ZFP1: variants seen among roughly 807,000 people sequenced by gnomAD.
ZFP1 encodes the protein ZFP1 zinc finger protein.
In ZFP1, 32 loss-of-function variants were observed where a neutral mutation model predicts 38.5. The ratio of observed to expected loss-of-function variants is 0.83; its 90% CI spans 0.63 to 1.12. The LOEUF is 1.12. Ranked by LOEUF, ZFP1 falls within the 50% of genes most tolerant of loss-of-function variation. The probability of loss-of-function intolerance (pLI) is 0.00; values close to 1 mark genes in which losing one functional copy is unlikely to be tolerated. For missense variants in ZFP1, 616 were observed against 480.8 expected (o/e 1.28, Z -2.63); for synonymous variants, 245 against 168.8 (o/e 1.45, Z -3.50).
At chr16:75,130,031 C>G in the ZFP1 span, among the ~76,000 whole-genome samples, 1 of 152,138 alleles carries the variant, frequency 6.6e-6, no homozygotes, top group Admixed American at 6.5e-5. Flanking sequence ...AGAGTCCACT[C>G]TGTCGCCCAA....
In ZFP1 at chr16:75,169,148, C is replaced by G. The variant is rs1192570926; in HGVS notation, c.143-105C>G. ...TAATATTGGGAGACTGGGTCCCAAACTAAAGAGTCAGCCCTGTGATAGAAC... is the reference window on the plus strand; with the variant it reads ...TAATATTGGGAGACTGGGTCCCAAAGTAAAGAGTCAGCCCTGTGATAGAAC... On this transcript the variant is annotated intron_variant, in intron 3 of 3. Coordinates refer to ENST00000570010, the MANE Select transcript of ZFP1 (RefSeq NM_153688.4). 1.8e-5 allele frequency: 25 copies of G among 1,374,944 alleles called. No individual in the cohort carries two copies. The East Asian group carries it at 5.0e-4, about 28-fold the overall frequency. The allele number at this position is 1,374,944 out of a possible 1,614,324, so 85.2% of individuals were successfully genotyped here.
Position 75,170,422 on chromosome 16 carries a change from G to C in ZFP1, c.*88G>C. ...TCATGACAGTATTGAGGGAACATGGGAATTCATACTGAGATGCAATCTCTC... is the reference window on the plus strand; with the variant it reads ...TCATGACAGTATTGAGGGAACATGGCAATTCATACTGAGATGCAATCTCTC... On this transcript the variant is annotated 3_prime_UTR_variant, in exon 4 of 4. Coordinates refer to ENST00000570010, the MANE Select transcript of ZFP1 (RefSeq NM_153688.4). 2.1e-6 allele frequency: 3 copies of C among 1,443,996 alleles called. No individual in the cohort carries two copies. The highest frequency in any genetic ancestry group is 1.8e-6 in the Non-Finnish European group (2 of 1,095,322). The allele number at this position is 1,443,996 out of a possible 1,614,324, so 89.4% of individuals were successfully genotyped here. A position where few individuals can be genotyped will look rare whatever the true frequency, so the allele number is the denominator to read the frequency against.
the ZFP1 span, among the ~76,000 whole-genome samples, chr16:75,132,813 C>T: frequency 1.3e-5 from 2 of 151,338 alleles, no homozygotes; most frequent in African/African-American, 2.4e-5. Context: ...TTCACCACCA[C>T]ACATGGCTAG....
the ZFP1 span, among the ~76,000 whole-genome samples, chr16:75,120,453 G>A: frequency 2.0e-5 from 3 of 151,506 alleles, no homozygotes; most frequent in Non-Finnish European, 2.9e-5. Context: ...AAACAGGCAA[G>A]TTCGTCTCGT....
At chr16:75,166,187 C>T (rs1388181280) in intron 2 of ZFP1, among the ~76,000 whole-genome samples, 1 of 152,138 alleles carries the variant, frequency 6.6e-6, no homozygotes, top group Admixed American at 6.6e-5. Context: ...ACACTGGTAA[C>T]AATGAATATC....
At chr16:75,161,288 C>T (rs774566877) in intron 2 of ZFP1, among the ~76,000 whole-genome samples, 1 of 151,894 alleles carries the variant, frequency 6.6e-6, no homozygotes, top group Non-Finnish European at 1.5e-5. Flanking sequence ...AGGCTGGTCT[C>T]GAACTCCTGG....
chr16:75,122,254 G>A, the ZFP1 span, among the ~76,000 whole-genome samples: 9 of 152,176 alleles, frequency 5.9e-5, no homozygotes, highest in East Asian at 1.9e-4. Context: ...GGGTTGGACC[G>A]CACAGTCTAA....
intron 1 of ZFP1, chr16:75,149,241 A>G: frequency 6.6e-6 from 1 of 152,206 alleles, no homozygotes. Flanking sequence ...GATTTCCCTA[A>G]GGTCTCACAA....
At chr16:75,133,671 G>A in the ZFP1 span, among the ~76,000 whole-genome samples, 3 of 152,166 alleles carry the variant, frequency 2.0e-5, no homozygotes, top group African/African-American at 4.8e-5. Flanking sequence ...CATATTCAGA[G>A]GCTTGATTGG....
intron 2 of ZFP1, among the ~76,000 whole-genome samples, chr16:75,160,375 C>T (rs2037703106): frequency 2.0e-5 from 3 of 151,934 alleles, no homozygotes. Context: ...TGTACTAAAC[C>T]CCATCTGTAC....
intron 1 of ZFP1, among the ~76,000 whole-genome samples, chr16:75,152,223 A>C (rs1290445051): frequency 6.6e-6 from 1 of 152,084 alleles, no homozygotes; most frequent in East Asian, 1.9e-4. Context: ...TGTTTGGATA[A>C]ATTGAGTTTC....
the ZFP1 span, among the ~76,000 whole-genome samples, chr16:75,140,913 C>T: frequency 6.6e-6 from 1 of 151,754 alleles, no homozygotes; most frequent in African/African-American, 2.4e-5. Context: ...GAGCCGAGAT[C>T]GCACCACTGC....
upstream of ZFP1, among the ~76,000 whole-genome samples, chr16:75,144,793 C>T (rs1195665007): frequency 6.6e-6 from 1 of 152,172 alleles, no homozygotes; most frequent in African/African-American, 2.4e-5. Context: ...TGGAATCATA[C>T]AGTATTTGTC....
intron 2 of ZFP1, among the ~76,000 whole-genome samples, chr16:75,166,189 A>C (rs6564214): frequency 0.87 from 132,109 of 152,202 alleles, 57,625 homozygotes; most frequent in Middle Eastern, 0.91. Flanking sequence ...ACTGGTAACA[A>C]TGAATATCTA....
At chr16:75,133,681 G>A in the ZFP1 span, among the ~76,000 whole-genome samples, 140,004 of 152,308 alleles carry the variant, frequency 0.92, 64,486 homozygotes, top group African/African-American at 0.94. Context: ...GGCTTGATTG[G>A]ATTCAGATTC....
the ZFP1 span, among the ~76,000 whole-genome samples, chr16:75,137,620 C>A: frequency 1.3e-5 from 2 of 151,884 alleles, no homozygotes; most frequent in East Asian, 3.9e-4. Context: ...CCCACCACCA[C>A]GCCCGGCTAA....
the ZFP1 span, among the ~76,000 whole-genome samples, chr16:75,141,587 C>T: frequency 6.6e-6 from 1 of 151,986 alleles, no homozygotes; most frequent in Non-Finnish European, 1.5e-5. Context: ...ATAGCACTTA[C>T]TCCAAGAAAT....
Position 75,169,967 on chromosome 16 carries a change from A to G in ZFP1, c.857A>G (p.His286Arg). The G allele has an allele frequency of 6.2e-7, 1 of 1,614,222 alleles. No homozygotes were observed. The highest frequency in any genetic ancestry group is 8.5e-7 in the Non-Finnish European group (1 of 1,180,032). Residue 286 changes from histidine (H) to arginine (R), a missense_variant, in exon 4 of 4, where the codon CAC (histidine) becomes CGC (arginine). Transcript: ENST00000570010. ...TFAQKFELTT[H>R]QRIHTGERPY... ...GCCCAAAAGTTTGAACTCACCACAC[A>G]CCAGAGAATTCATACAGGAGAGCGA...
the ZFP1 span, among the ~76,000 whole-genome samples, chr16:75,143,406 TA>T: frequency 6.6e-6 from 1 of 151,948 alleles, no homozygotes; most frequent in South Asian, 2.1e-4. Context: ...CAGGCCCAGC[TA>T]ATTTTTTTGT....
Sources: gnomAD v4.1 joint callset for allele counts (sites outside exome capture counted in the v4.1 genomes callset) on GRCh38, gnomAD v4.1.1 for gene constraint, MANE v1.5 for transcripts, NCBI Gene and HGNC (gene_info 2026-07-23, HGNC 2026-07-21) for gene names.